The following ADAM7 variants were observed in gnomAD, a reference collection of about 807,000 sequenced individuals.
ADAM7 encodes the protein ADAM metallopeptidase domain 7.
A neutral mutation model predicts 102.9 loss-of-function variants in ADAM7; 97 were observed. The observed-to-expected ratio is 0.94, with a 90% CI of 0.80 to 1.12. The LOEUF (loss-of-function observed/expected upper bound fraction) is 1.12. Ranked by LOEUF, ADAM7 falls within the 50% of genes most tolerant of loss-of-function variation. ADAM7 has a pLI of 0.00. For missense variants in ADAM7, 991 were observed against 908.7 expected, an observed-to-expected ratio of 1.09 and a Z score of -1.16; for synonymous variants, 334 against 304.4, an observed-to-expected ratio of 1.10 and a Z score of -1.01.
intron 3 of ADAM7, among the ~76,000 whole-genome samples, chr8:24,463,574 T>C (rs1365949036): frequency 6.6e-6 from 1 of 152,132 alleles, no homozygotes; most frequent in Non-Finnish European, 1.5e-5. Flanking sequence ...TTAATGCATG[T>C]TTTTTGCATT....
chr8:24,455,260 G>C (rs771429333), intron 3 of ADAM7, among the ~76,000 whole-genome samples: 1 of 151,996 alleles, frequency 6.6e-6, no homozygotes, highest in Non-Finnish European at 1.5e-5. Context: ...TACTATTTCT[G>C]TTTTATATCA....
At chr8:24,482,057 T>C (rs1294400979) in intron 8 of ADAM7, 85 bp from the exon 9 acceptor site, 1 of 1,004,110 alleles carries the variant, frequency 1.0e-6, no homozygotes, top group South Asian at 1.8e-5. Flanking sequence ...TTATTGTTTT[T>C]TGGGGAAATG....
At chr8:24,471,200 T>TA (rs1295025395) in intron 7 of ADAM7, among the ~76,000 whole-genome samples, 2 of 152,188 alleles carry the variant, frequency 1.3e-5, no homozygotes, top group East Asian at 3.9e-4. Context: ...AACTGATGTC[T>TA]AAAAAAATCA....
chr8:24,451,978 C>A (rs1248322005), intron 3 of ADAM7, among the ~76,000 whole-genome samples: 4 of 152,090 alleles, frequency 2.6e-5, no homozygotes, highest in Non-Finnish European at 4.4e-5. Flanking sequence ...GTTTCTTAAT[C>A]CTGAGTTCTA....
chr8:24,500,070 G>A (rs545948140), intron 17 of ADAM7, 108 bp from the exon 18 acceptor site: 33 of 839,692 alleles, frequency 3.9e-5, no homozygotes, highest in Middle Eastern at 2.4e-4. Context: ...GTTCGCGCTT[G>A]TGCTTGTGTG....
At chr8:24,466,737 C>A in intron 5 of ADAM7, 62 bp from the exon 6 acceptor site, 2 of 1,488,366 alleles carry the variant, frequency 1.3e-6, no homozygotes, top group Non-Finnish European at 1.8e-6. Context: ...AAGGCAAAGT[C>A]AATACAATGA....
rs776521318 is a variant in ADAM7 at position 24,466,898 on chromosome 8, G to A, written c.489G>A (p.Pro163=). The change falls in exon 6 of 22, where the codon CCG becomes CCA. Residue 163 remains proline, a synonymous_variant. Transcript: ENST00000175238. ...HLVFKYNLRV[P]YGANYSCTEL... ...TGTTCAAATATAACCTGAGGGTGCC[G>A]TATGGTGCCAATTATTCCTGTACAG... 9.3e-6 allele frequency: 15 copies of A among 1,613,738 alleles called. No homozygotes were observed. Among genetic ancestry groups the A allele is most frequent in the South Asian group, 4.4e-5 (4 of 91,080 alleles).
At chr8:24,453,899 T>A (rs1215631546) in intron 3 of ADAM7, among the ~76,000 whole-genome samples, 4 of 152,160 alleles carry the variant, frequency 2.6e-5, no homozygotes, top group Non-Finnish European at 5.9e-5. Flanking sequence ...GGTCTGTTGG[T>A]GTTTGCTAGA....
chr8:24,483,697 GC>G (rs1304407221), intron 9 of ADAM7, among the ~76,000 whole-genome samples: 1 of 152,156 alleles, frequency 6.6e-6, no homozygotes, highest in Admixed American at 6.6e-5. Context: ...GCATTAGCAT[GC>G]CCCAAAATCA....
At chr8:24,501,332 A>C (rs1162791624) in intron 19 of ADAM7, 145 bp from the exon 20 acceptor site, 1 of 569,558 alleles carries the variant, frequency 1.8e-6, no homozygotes, top group Non-Finnish European at 3.0e-6. Flanking sequence ...GACAATATAA[A>C]AAAGCATTAT....
rs145144131 is a variant in ADAM7 at position 24,480,019 on chromosome 8, G to A, written c.706-2123G>A. On this transcript the variant is annotated intron_variant, in intron 8 of 21. Coordinates refer to ENST00000175238, the MANE Select transcript of ADAM7 (RefSeq NM_003817.4). Reference sequence around the variant, plus strand: ...CTCCCAACTGTTTCAATTTATGTCCGTGGAAATTGAAAATTTCCCCCATGC... The same window carrying A: ...CTCCCAACTGTTTCAATTTATGTCCATGGAAATTGAAAATTTCCCCCATGC... Among the ~76,000 whole-genome samples the A allele has an allele frequency of 4.9e-3, 741 of 152,244 alleles. 10 individuals are homozygous for A. Among genetic ancestry groups the A allele is most frequent in the Middle Eastern group, 0.041 (12 of 294 alleles).
At chr8:24,451,755 T>C (rs948291186) in intron 3 of ADAM7, among the ~76,000 whole-genome samples, 8 of 151,106 alleles carry the variant, frequency 5.3e-5, no homozygotes, top group Non-Finnish European at 1.2e-4. Context: ...GTGTCAATTT[T>C]GGATCTTTCC....
intron 7 of ADAM7, among the ~76,000 whole-genome samples, chr8:24,474,290 T>C (rs1819698633): frequency 1.3e-5 from 2 of 152,156 alleles, no homozygotes; most frequent in African/African-American, 4.8e-5. Context: ...AGAAATTTTA[T>C]AAAGAATGCT....
chr8:24,479,235 G>C (rs139692161), intron 8 of ADAM7, among the ~76,000 whole-genome samples: 114 of 152,170 alleles, frequency 7.5e-4, no homozygotes, highest in African/African-American at 2.6e-3. Flanking sequence ...CAGTCTTAGG[G>C]AAGCCCTGTC....
intron 8 of ADAM7, among the ~76,000 whole-genome samples, chr8:24,480,623 T>C (rs1445630174): frequency 2.0e-5 from 3 of 152,184 alleles, no homozygotes; most frequent in Non-Finnish European, 4.4e-5. Flanking sequence ...AATATTTCCG[T>C]TTGCACTTGT....
intron 7 of ADAM7, among the ~76,000 whole-genome samples, chr8:24,475,233 A>G (rs1435712735): frequency 6.6e-6 from 1 of 152,208 alleles, no homozygotes; most frequent in Non-Finnish European, 1.5e-5. Context: ...TTGATAAAGC[A>G]TCTAATCTTT....
intron 7 of ADAM7, chr8:24,476,028 C>T (rs1819757532): frequency 2.2e-6 from 1 of 450,166 alleles, no homozygotes; most frequent in Non-Finnish European, 4.4e-6. Flanking sequence ...ACACCAAGGA[C>T]ACAGAAGGAC....
intron 10 of ADAM7, among the ~76,000 whole-genome samples, chr8:24,486,845 T>C (rs1585905645): frequency 6.6e-6 from 1 of 152,216 alleles, no homozygotes; most frequent in South Asian, 2.1e-4. Flanking sequence ...ACCTTCGACA[T>C]ATGAATTTTG....
chr8:24,460,753 G>A (rs111985795), intron 3 of ADAM7, among the ~76,000 whole-genome samples: 6,356 of 59,000 alleles, frequency 0.11, 179 homozygotes, highest in Non-Finnish European at 0.15. Flanking sequence ...ATGTATGTAT[G>A]TGTGTGTGTG....
Sources: gnomAD v4.1 joint callset for allele counts (sites outside exome capture counted in the v4.1 genomes callset) on GRCh38, gnomAD v4.1.1 for gene constraint, MANE v1.5 for transcripts, NCBI Gene and HGNC (gene_info 2026-07-23, HGNC 2026-07-21) for gene names.